The following NFRKB variants were observed in gnomAD, a reference collection of about 807,000 sequenced individuals.
NFRKB encodes the protein nuclear factor related to kappaB binding protein.
Under a neutral mutation model 135.7 loss-of-function variants are expected in NFRKB, and 62 were observed. That is an observed-to-expected ratio of 0.46 (90% CI 0.37 to 0.56). The LOEUF is 0.56. Among genes scored for constraint, NFRKB ranks in the 20% least tolerant of loss-of-function variants. NFRKB has a pLI of 0.00. For missense variants in NFRKB, 1,545 were observed against 1,662.0 expected (o/e 0.93, Z 1.22); for synonymous variants, 678 against 635.6 (o/e 1.07, Z -1.00).
intron 4 of NFRKB, among the ~76,000 whole-genome samples, chr11:129,887,753 G>A (rs1448386583): frequency 6.6e-6 from 1 of 152,184 alleles, no homozygotes; most frequent in African/African-American, 2.4e-5. Flanking sequence ...ATTTGAACAT[G>A]AAGGCCGGGT....
In NFRKB at chr11:129,863,668, A is replaced by T. The variant is rs1948063395; in HGVS notation, c.*1057T>A. The T allele has an allele frequency of 6.4e-6, 1 of 155,488 alleles. No individual in the cohort carries two copies. Among genetic ancestry groups the T allele is most frequent in the Non-Finnish European group, 1.4e-5 (1 of 70,466 alleles). The allele number at this position is 155,488 out of a possible 1,614,324, so 9.6% of individuals were successfully genotyped here. On this transcript the variant is annotated 3_prime_UTR_variant, in exon 27 of 27. Transcript: ENST00000682444. ...AAAAAACGCTTTTACTTAAAAGGCC[A>T]TATAGGAAATACTTTAGGCTTCAGG...
rs775396230 is a variant in NFRKB, at chr11:129,877,304, C to T, written c.1572+21G>A. The T allele has an allele frequency of 6.8e-6, 11 of 1,613,386 alleles. No individual in the cohort carries two copies. In the Admixed American group the frequency reaches 1.3e-4, roughly 20 times the overall value. On this transcript the variant is annotated intron_variant, in intron 16 of 26. Coordinates refer to ENST00000682444, the MANE Select transcript of NFRKB (RefSeq NM_001143835.2). The stretch of plus-strand genomic sequence containing the variant: ...CATGGCTCACAGAGGCAGAGACTTA[C>T]ACTGGCTTTTAGGTTCTTACCTGCT...
intron 4 of NFRKB, among the ~76,000 whole-genome samples, chr11:129,887,646 C>T (rs1163900543): frequency 6.6e-6 from 1 of 152,148 alleles, no homozygotes; most frequent in African/African-American, 2.4e-5. Context: ...ATTCAAAAAG[C>T]TAAAGAGACG....
rs141037144 is a variant in NFRKB, at chr11:129,876,013, T to C, written c.1748-550A>G. On this transcript the variant is annotated intron_variant, in intron 17 of 26. Transcript: ENST00000682444. ...ACACCTTAAGAATTCAGAGGGCCTG[T>C]GAACTCAGGTGGGAAGCAAAATTAC... Among the ~76,000 whole-genome samples the C allele has an allele frequency of 1.6e-4, 24 of 152,282 alleles. No individual in the cohort carries two copies. In the East Asian group the frequency reaches 4.4e-3, roughly 28 times the overall value.
At chr11:129,881,580 C>A in intron 12 of NFRKB, 72 bp from the exon 13 acceptor site, 2 of 1,601,946 alleles carry the variant, frequency 1.2e-6, no homozygotes, top group Admixed American at 1.7e-5. Context: ...TTTGAGTGTT[C>A]CACAATGTAT....
chr11:129,866,698 C>A (rs1428559325), intron 24 of NFRKB, among the ~76,000 whole-genome samples: 4 of 152,148 alleles, frequency 2.6e-5, no homozygotes, highest in Non-Finnish European at 4.4e-5. Flanking sequence ...TAGGTCACTG[C>A]ATTACCTGTT....
chr11:129,886,257 C>T, intron 5 of NFRKB, 60 bp downstream of exon 5: 2 of 1,554,630 alleles, frequency 1.3e-6, no homozygotes, highest in South Asian at 1.2e-5. Context: ...TGAATTGCTT[C>T]TTGAAGTCAT....
At chr11:129,876,360 T>C (rs1419727399) in intron 17 of NFRKB, among the ~76,000 whole-genome samples, 1 of 152,196 alleles carries the variant, frequency 6.6e-6, no homozygotes, top group Non-Finnish European at 1.5e-5. Context: ...AGCATAACTC[T>C]GAGAAGGGGT....
chr11:129,875,008 A>G (rs1441885876), intron 18 of NFRKB, 92 bp from the exon 19 acceptor site: 1 of 1,489,894 alleles, frequency 6.7e-7, no homozygotes, highest in Non-Finnish European at 9.3e-7. Flanking sequence ...TTGTATCTAA[A>G]TCACAGCTGA....
At chr11:129,879,522 T>C (rs1948929586) in intron 13 of NFRKB, among the ~76,000 whole-genome samples, 1 of 152,198 alleles carries the variant, frequency 6.6e-6, no homozygotes, top group Non-Finnish European at 1.5e-5. Flanking sequence ...CCTCCATGTT[T>C]GCAAATCTTT....
intron 2 of NFRKB, chr11:129,893,121 A>G: frequency 7.4e-7 from 1 of 1,351,754 alleles, no homozygotes; most frequent in Non-Finnish European, 9.6e-7. Context: ...TAAATTTCAT[A>G]TGCCTTCATT....
chr11:129,870,124 C>T lies in NFRKB; in HGVS notation c.2901G>A (p.Gln967=), dbSNP rs1335368934. 1.2e-6 allele frequency: 2 copies of T among 1,614,148 alleles called. No individual in the cohort carries two copies. The highest frequency in any genetic ancestry group is 1.7e-5 in the Admixed American group (1 of 60,014). Residue 967 remains glutamine, a synonymous_variant, in exon 24 of 27, where the codon CAG becomes CAA. Transcript: ENST00000682444. ...TGTCCGGAGTGATTCGCAGAACCGTCTGGCCCTTGGCATCTGTGGTGATGG... is the reference window on the plus strand; with the variant it reads ...TGTCCGGAGTGATTCGCAGAACCGTTTGGCCCTTGGCATCTGTGGTGATGG... ...PSSITTDAKG[Q]TVLRITPDMM...
intron 3 of NFRKB, among the ~76,000 whole-genome samples, chr11:129,889,609 G>C (rs1949442580): frequency 7.6e-6 from 1 of 130,992 alleles, no homozygotes; most frequent in Non-Finnish European, 1.7e-5. Context: ...TATATGGTCT[G>C]AGGTGGGGAA....
At position 129,865,014 on chromosome 11, in the gene NFRKB, G is replaced by A. The variant is rs750788985; in HGVS notation, c.3726C>T (p.Leu1242=). ...GAAGCTGCTGCAACTGCTGAGCAGT[G>A]AGGAAACTAACAGGCTTATTGCCAG... ...LIAGNKPVSF[L]TAQQLQQLQQ... is the part of the protein sequence containing the mutation. Residue 1242 remains leucine, a synonymous_variant, in exon 26 of 27, where the codon CTC becomes CTT. Coordinates refer to ENST00000682444, the MANE Select transcript of NFRKB (RefSeq NM_001143835.2). 4 of 1,613,188 alleles carry A rather than the reference G, an allele frequency of 2.5e-6. No individual in the cohort carries two copies. The Admixed American group carries it at 5.0e-5, about 20-fold the overall frequency.
In NFRKB at chr11:129,885,615, T is replaced by C. The variant is rs1307958400; in HGVS notation, c.466-6A>G. On this transcript the variant is annotated splice_polypyrimidine_tract_variant and splice_region_variant and intron_variant, in intron 5 of 26. Transcript: ENST00000682444. ...CGGGCCATCTCCAGCAGATCCTAGG[T>C]AGAGATCAGGTGGGGGTACAAGTCA... 3.1e-6 allele frequency: 5 copies of C among 1,604,184 alleles called. No individual in the cohort carries two copies. Among genetic ancestry groups the C allele is most frequent in the Non-Finnish European group, 4.3e-6 (5 of 1,172,950 alleles).
chr11:129,888,660 C>T lies in NFRKB; in HGVS notation c.271G>A (p.Ala91Thr). Residue 91 changes from alanine (A) to threonine (T), a missense_variant, in exon 4 of 27, where the codon GCC (alanine) becomes ACC (threonine). Ala to Thr is a moderately conservative substitution (Grantham distance 58). Coordinates refer to ENST00000682444, the MANE Select transcript of NFRKB (RefSeq NM_001143835.2). ...CGGAAGTTCTCCCCACTGAACAAGG[C>T]TAAGATGAGTTCATTCTGCTGCTCA... ...SAEQQNELIL[A>T]LFSGENFRFG... is the part of the protein sequence containing the mutation. The T allele has an allele frequency of 6.2e-7, 1 of 1,614,194 alleles. No individual in the cohort carries two copies. Among genetic ancestry groups the T allele is most frequent in the South Asian group, 1.1e-5 (1 of 91,092 alleles).
chr11:129,882,379 C>T, intron 10 of NFRKB, 72 bp downstream of exon 10: 1 of 1,535,810 alleles, frequency 6.5e-7, no homozygotes, highest in Non-Finnish European at 8.8e-7. Context: ...ACGACAAGCC[C>T]TAGGGGCCAG....
At position 129,878,539 on chromosome 11, in the gene NFRKB, T is replaced by A; in HGVS notation, c.1389A>T (p.Gln463His). The A allele has an allele frequency of 6.2e-7, 1 of 1,613,790 alleles. No individual in the cohort carries two copies. The highest frequency in any genetic ancestry group is 8.5e-7 in the Non-Finnish European group (1 of 1,179,698). ...EKTQQWKLLG[Q>H]SQDNEKELAA... is the part of the protein sequence containing the mutation. ...CTAATTCCTTTTCATTATCTTGGGA[T>A]TGGCCTATTAGAGGAATAAAGAGAT... is the stretch of plus-strand genomic sequence containing the variant. Residue 463 changes from glutamine to histidine, a missense_variant, in exon 14 of 27, where the codon CAA becomes CAT. Transcript: ENST00000682444.
chr11:129,891,169 G>C (rs1949543435), intron 3 of NFRKB, among the ~76,000 whole-genome samples: 2 of 152,120 alleles, frequency 1.3e-5, no homozygotes, highest in African/African-American at 4.8e-5. Context: ...CTGGGCAAAA[G>C]CAACAGCTAG....
Sources: gnomAD v4.1 joint callset for allele counts (sites outside exome capture counted in the v4.1 genomes callset) on GRCh38, gnomAD v4.1.1 for gene constraint, MANE v1.5 for transcripts, NCBI Gene and HGNC (gene_info 2026-07-23, HGNC 2026-07-21) for gene names.